MAGI1: variants seen among roughly 807,000 people sequenced by gnomAD.
The protein encoded by MAGI1 is membrane associated guanylate kinase, WW and PDZ domain containing 1.
In MAGI1, 58 loss-of-function variants were observed where a neutral mutation model predicts 139.9. The ratio of observed to expected loss-of-function variants is 0.41; its 90% CI spans 0.34 to 0.52. The LOEUF is 0.52. Ranked by LOEUF, MAGI1 falls within the 20% of genes least tolerant of loss-of-function variation. The pLI is 0.12. For missense variants in MAGI1, 1,874 were observed against 1,901.6 expected, an observed-to-expected ratio of 0.99 and a Z score of 0.27; for synonymous variants, 812 against 737.9, an observed-to-expected ratio of 1.10 and a Z score of -1.63.
chr3:65,726,416 ATTT>A (rs1029392058), intron 1 of MAGI1, among the ~76,000 whole-genome samples: 24 of 152,318 alleles, frequency 1.6e-4, no homozygotes, highest in Non-Finnish European at 2.8e-4. Context: ...TGCAATGTAC[ATTT>A]TCCTACAAAT....
intron 2 of MAGI1, among the ~76,000 whole-genome samples, chr3:65,598,803 G>A (rs1433835877): frequency 6.6e-6 from 1 of 152,130 alleles, no homozygotes; most frequent in Non-Finnish European, 1.5e-5. Context: ...TCTAAGAGCC[G>A]GCGGTATCAC....
intron 13 of MAGI1, among the ~76,000 whole-genome samples, chr3:65,401,063 G>A (rs978307874): frequency 1.3e-5 from 2 of 152,050 alleles, no homozygotes; most frequent in Non-Finnish European, 2.9e-5. Flanking sequence ...TGCTACTCAC[G>A]GAGCAGGTGG....
At chr3:65,578,567 C>T (rs1471983249) in intron 2 of MAGI1, among the ~76,000 whole-genome samples, 1 of 152,122 alleles carries the variant, frequency 6.6e-6, no homozygotes, top group Non-Finnish European at 1.5e-5. Flanking sequence ...TTTAACCCTA[C>T]AAGGAGAGAC....
At chr3:65,437,725 T>C (rs993291805) in intron 9 of MAGI1, among the ~76,000 whole-genome samples, 11 of 152,168 alleles carry the variant, frequency 7.2e-5, no homozygotes, top group Non-Finnish European at 1.3e-4. Flanking sequence ...TGGGTCCTAA[T>C]TGTAGTCTTA....
At chr3:65,732,237 G>A (rs1451978620) in intron 1 of MAGI1, among the ~76,000 whole-genome samples, 2 of 152,156 alleles carry the variant, frequency 1.3e-5, no homozygotes, top group Non-Finnish European at 2.9e-5. Context: ...CAGGTGCTCT[G>A]CACTTAGGTA....
intron 3 of MAGI1, among the ~76,000 whole-genome samples, chr3:65,481,483 G>A (rs1225544320): frequency 6.6e-6 from 1 of 152,164 alleles, no homozygotes; most frequent in Non-Finnish European, 1.5e-5. Flanking sequence ...GAGAAAAAAA[G>A]GAGAGAGACA....
chr3:65,751,589 A>C (rs535602604), intron 1 of MAGI1, among the ~76,000 whole-genome samples: 18 of 152,302 alleles, frequency 1.2e-4, no homozygotes, highest in Non-Finnish European at 2.5e-4. Context: ...TTGTCATTTA[A>C]TAGAGGCCTT....
intron 2 of MAGI1, among the ~76,000 whole-genome samples, chr3:65,538,312 C>A (rs954805340): frequency 1.3e-5 from 2 of 152,118 alleles, no homozygotes; most frequent in Non-Finnish European, 2.9e-5. Context: ...CAACAAAATA[C>A]CACAGCTAAG....
intron 1 of MAGI1, among the ~76,000 whole-genome samples, chr3:65,702,045 C>T (rs529811728): frequency 1.3e-5 from 2 of 152,058 alleles, no homozygotes; most frequent in East Asian, 3.9e-4. Context: ...AGGAAATCTA[C>T]CCCCTTGGCT....
intron 1 of MAGI1, among the ~76,000 whole-genome samples, chr3:65,891,004 G>A (rs553617258): frequency 1.7e-4 from 26 of 152,104 alleles, no homozygotes; most frequent in Non-Finnish European, 3.7e-4. Context: ...CTTGAGGCCA[G>A]GAGTTCAAGA....
intron 3 of MAGI1, among the ~76,000 whole-genome samples, chr3:65,489,241 C>A (rs1045719410): frequency 6.6e-6 from 1 of 152,058 alleles, no homozygotes; most frequent in African/African-American, 2.4e-5. Flanking sequence ...CAAGCCCTAG[C>A]AAAAATAATT....
At chr3:65,777,224 T>G (rs966755514) in intron 1 of MAGI1, among the ~76,000 whole-genome samples, 6 of 152,210 alleles carry the variant, frequency 3.9e-5, no homozygotes, top group Non-Finnish European at 7.3e-5. Flanking sequence ...ACTAGCTGTG[T>G]GACCTCAGAG....
chr3:65,943,783 T>C (rs1288788005), intron 1 of MAGI1, among the ~76,000 whole-genome samples: 2 of 152,178 alleles, frequency 1.3e-5, no homozygotes, highest in African/African-American at 2.4e-5. Flanking sequence ...GAATATTCTG[T>C]AGAGAAGCAG....
intron 12 of MAGI1, among the ~76,000 whole-genome samples, chr3:65,424,876 C>G (rs1464270705): frequency 6.6e-6 from 1 of 152,008 alleles, no homozygotes; most frequent in Non-Finnish European, 1.5e-5. Context: ...CCAGTGGTAC[C>G]TGGGCAACAC....
intron 1 of MAGI1, among the ~76,000 whole-genome samples, chr3:65,661,034 G>A (rs558566302): frequency 1.8e-4 from 27 of 152,146 alleles, no homozygotes; most frequent in African/African-American, 6.0e-4. Flanking sequence ...AGTAAATTAG[G>A]TAACCTTCAG....
At chr3:65,459,606 C>CA (rs1949639839) in intron 5 of MAGI1, among the ~76,000 whole-genome samples, 1 of 152,126 alleles carries the variant, frequency 6.6e-6, no homozygotes, top group Non-Finnish European at 1.5e-5. Flanking sequence ...GCTTTTACTT[C>CA]TTTATCTTGA....
In MAGI1 at chr3:65,900,170, C is replaced by G. The variant is rs376030007; in HGVS notation, c.313+137826G>C. On this transcript the variant is annotated intron_variant, in intron 1 of 22. Coordinates refer to ENST00000402939, the MANE Select transcript of MAGI1 (RefSeq NM_001033057.2). ...TAGGCAGTATACACCCATCGTCTTGCTTTGCACGTTATTGCAAGGACACAC... is the reference window on the plus strand; with the variant it reads ...TAGGCAGTATACACCCATCGTCTTGGTTTGCACGTTATTGCAAGGACACAC... Among the ~76,000 whole-genome samples the G allele has an allele frequency of 5.9e-5, 9 of 152,264 alleles. 1 individual carries two copies. Among genetic ancestry groups the G allele is most frequent in the African/African-American group, 2.2e-4 (9 of 41,568 alleles).
chr3:65,378,640 T>C (rs1942769933), intron 17 of MAGI1, among the ~76,000 whole-genome samples: 1 of 151,980 alleles, frequency 6.6e-6, no homozygotes, highest in African/African-American at 2.4e-5. Context: ...CTGTATGCTG[T>C]CCAGGGGTTC....
At chr3:65,628,156 T>C (rs2084086785) in intron 1 of MAGI1, among the ~76,000 whole-genome samples, 1 of 152,126 alleles carries the variant, frequency 6.6e-6, no homozygotes, top group South Asian at 2.1e-4. Flanking sequence ...CATTTCTGAA[T>C]TCATCCCCAA....
Sources: allele counts gnomAD v4.1 joint callset (sites outside exome capture counted in the v4.1 genomes callset), GRCh38; gene constraint gnomAD v4.1.1; transcripts MANE v1.5; gene names NCBI Gene and HGNC (gene_info 2026-07-23, HGNC 2026-07-21).